The following OPRM1 variants were observed in gnomAD, a reference collection of about 807,000 sequenced individuals.
The protein encoded by OPRM1 is mu-type opioid receptor.
OPRM1 carries 27 observed loss-of-function variants against 31.8 expected under a neutral mutation model. The observed-to-expected ratio is 0.85, with a 90% CI of 0.63 to 1.17. The LOEUF (loss-of-function observed/expected upper bound fraction) is 1.17. Ranked by LOEUF, OPRM1 falls within the 50% of genes most tolerant of loss-of-function variation. The probability of loss-of-function intolerance (pLI) is 0.00; values close to 1 mark genes in which losing one functional copy is unlikely to be tolerated. For missense variants in OPRM1, 536 were observed against 511.1 expected (o/e 1.05, Z -0.47); for synonymous variants, 196 against 189.9 (o/e 1.03, Z -0.26).
intron 3 of OPRM1, among the ~76,000 whole-genome samples, chr6:154,223,463 G>A (rs762383015): frequency 1.3e-5 from 2 of 152,122 alleles, no homozygotes; most frequent in Non-Finnish European, 2.9e-5. Context: ...AAGAGAAGTG[G>A]CATGACATGA....
intron 1 of OPRM1, among the ~76,000 whole-genome samples, chr6:154,074,757 A>G (rs1206444849): frequency 6.6e-6 from 1 of 152,076 alleles, no homozygotes; most frequent in Non-Finnish European, 1.5e-5. Context: ...CAAGACTCCA[A>G]ATAAAAAAAG....
intron 3 of OPRM1, among the ~76,000 whole-genome samples, chr6:154,188,758 T>C (rs558678849): frequency 5.3e-5 from 8 of 152,328 alleles, no homozygotes; most frequent in African/African-American, 1.9e-4. Flanking sequence ...ATGTGGATGT[T>C]TGGGAGAAAA....
chr6:154,209,672 A>AT (rs1161779702), intron 3 of OPRM1, among the ~76,000 whole-genome samples: 5 of 150,862 alleles, frequency 3.3e-5, no homozygotes, highest in Non-Finnish European at 5.9e-5. Flanking sequence ...GTTACTATAT[A>AT]TTTTTTTTAT....
At position 154,039,404 on chromosome 6, in the gene OPRM1, G is replaced by A. The variant is rs993163690; in HGVS notation, c.-141G>A. 9 of 1,549,134 alleles carry A rather than the reference G, an allele frequency of 5.8e-6. No homozygotes were observed. Among genetic ancestry groups the A allele is most frequent in the Non-Finnish European group, 7.9e-6 (9 of 1,145,450 alleles). On this transcript the variant is annotated 5_prime_UTR_variant, in exon 1 of 4. Coordinates refer to ENST00000330432, the MANE Select transcript of OPRM1 (RefSeq NM_000914.5). ...TCCCCTCCGCCTGACGCTCCTCTCT[G>A]TCTCAGCCAGGACTGGTTTCTGTAA... is the stretch of plus-strand genomic sequence containing the variant.
intron 3 of OPRM1, chr6:154,158,837 C>T (rs955452900): frequency 1.3e-5 from 2 of 152,144 alleles, no homozygotes; most frequent in African/African-American, 4.8e-5. Flanking sequence ...TCACATAGCA[C>T]ACAAGTGACA....
intron 3 of OPRM1, among the ~76,000 whole-genome samples, chr6:154,219,560 G>GCT (rs1278091571): frequency 6.6e-6 from 1 of 152,120 alleles, no homozygotes. Context: ...GTGCTAGCGG[G>GCT]CGAGACCTTG....
chr6:154,195,311 C>T (rs569575014), intron 3 of OPRM1, among the ~76,000 whole-genome samples: 68 of 152,082 alleles, frequency 4.5e-4, no homozygotes, highest in Non-Finnish European at 7.2e-4. Flanking sequence ...CCACACCTGG[C>T]TAATTTTTTG....
At chr6:154,013,863 G>A (rs1777859952) in intron 1 of OPRM1, among the ~76,000 whole-genome samples, 1 of 152,140 alleles carries the variant, frequency 6.6e-6, no homozygotes, top group Non-Finnish European at 1.5e-5. Context: ...AAGGCTTCTT[G>A]AGACCTAGAC....
chr6:154,081,350 A>G (rs754051139), intron 1 of OPRM1, among the ~76,000 whole-genome samples: 1 of 152,086 alleles, frequency 6.6e-6, no homozygotes, highest in Non-Finnish European at 1.5e-5. Context: ...AAAAATACAG[A>G]AAAAAAGTAG....
Position 154,127,161 on chromosome 6 carries a change from C to G in OPRM1, c.*8440C>G, listed in dbSNP as rs963726526. Among the ~76,000 whole-genome samples, 17 of 151,342 alleles carry G rather than the reference C, an allele frequency of 1.1e-4. No homozygotes were observed. The highest frequency in any genetic ancestry group is 4.1e-4 in the African/African-American group (17 of 41,170). ...CTATGTGCCCAAAGTTTCCTTCACA[C>G]AACACAGCCTTGAGATGCAGTATTA... On this transcript the variant is annotated 3_prime_UTR_variant, in exon 4 of 4. Coordinates refer to ENST00000330432, the MANE Select transcript of OPRM1 (RefSeq NM_000914.5).
At chr6:154,205,456 G>A (rs535240782) in intron 3 of OPRM1, among the ~76,000 whole-genome samples, 12 of 152,166 alleles carry the variant, frequency 7.9e-5, no homozygotes, top group African/African-American at 1.7e-4. Flanking sequence ...TTAGCTGGGC[G>A]TGGTGGTGCA....
At chr6:154,220,501 A>G (rs947603383) in intron 3 of OPRM1, among the ~76,000 whole-genome samples, 1 of 152,154 alleles carries the variant, frequency 6.6e-6, no homozygotes, top group Non-Finnish European at 1.5e-5. Context: ...AACACAAAAA[A>G]TTAGCTGGGC....
intron 3 of OPRM1, chr6:154,158,791 C>G (rs1562514952): frequency 6.6e-6 from 1 of 152,156 alleles, no homozygotes; most frequent in African/African-American, 2.4e-5. Flanking sequence ...GTAATTTGAA[C>G]TTCTATAAAT....
Position 154,130,965 on chromosome 6 carries a change from G to T in OPRM1, c.*12244G>T, listed in dbSNP as rs911639048. 2.0e-5 allele frequency among the ~76,000 whole-genome samples: 3 copies of T among 151,856 alleles called. No homozygotes were observed. Among genetic ancestry groups the T allele is most frequent in the East Asian group, 3.9e-4 (2 of 5,182 alleles). On this transcript the variant is annotated 3_prime_UTR_variant, in exon 4 of 4. Transcript: ENST00000330432. ...ATTTTATTATGTTATATGAAAAAAA[G>T]AAACCTTGTAAGTGCAGATTTATTT... is the stretch of plus-strand genomic sequence containing the variant.
chr6:154,221,640 G>A (rs1241152980), intron 3 of OPRM1, among the ~76,000 whole-genome samples: 5 of 152,178 alleles, frequency 3.3e-5, no homozygotes, highest in Admixed American at 6.5e-5. Flanking sequence ...TTGGGAGGCC[G>A]AGGCGGGCAG....
At chr6:154,192,385 G>A (rs1357512333) in intron 3 of OPRM1, among the ~76,000 whole-genome samples, 1 of 151,286 alleles carries the variant, frequency 6.6e-6, no homozygotes, top group East Asian at 1.9e-4. Context: ...GAGTATTTTA[G>A]ATAGAGAGAG....
chr6:154,094,842 C>A (rs1053188654), intron 3 of OPRM1, among the ~76,000 whole-genome samples: 1 of 152,168 alleles, frequency 6.6e-6, no homozygotes, highest in African/African-American at 2.4e-5. Flanking sequence ...AGTCACATTG[C>A]AAAAGGATAG....
Position 154,017,360 on chromosome 6 carries a change from C to A in OPRM1, c.-1+6342C>A, listed in dbSNP as rs112431188. Among the ~76,000 whole-genome samples the A allele has an allele frequency of 8.4e-3, 1,281 of 152,200 alleles. 19 individuals carry two copies. Among genetic ancestry groups the A allele is most frequent in the African/African-American group, 0.03 (1,226 of 41,504 alleles). Reference sequence around the variant, plus strand: ...ACTGAGATTTGATATGGTCACAGTGCGTTTTGCCATGCGTATCAATCCAGG... The same window carrying A: ...ACTGAGATTTGATATGGTCACAGTGAGTTTTGCCATGCGTATCAATCCAGG... On this transcript the variant is annotated intron_variant, in intron 1 of 5. Coordinates refer to the OPRM1 transcript ENST00000434900.
intron 3 of OPRM1, chr6:154,221,391 AAGT>A (rs1338104696): frequency 1.6e-6 from 2 of 1,250,802 alleles, no homozygotes; most frequent in Non-Finnish European, 2.3e-6. Flanking sequence ...ATGGGTCTGA[AAGT>A]AAATCAGTAA....
Sources: allele counts gnomAD v4.1 joint callset (sites outside exome capture counted in the v4.1 genomes callset), GRCh38; gene constraint gnomAD v4.1.1; transcripts MANE v1.5; gene names NCBI Gene and HGNC (gene_info 2026-07-23, HGNC 2026-07-21).